DOCK3: variants seen among roughly 807,000 people sequenced by gnomAD.
DOCK3 encodes the protein dedicator of cytokinesis protein 3.
A neutral mutation model predicts 265.6 loss-of-function variants in DOCK3; 60 were observed. That is an observed-to-expected ratio of 0.23 (90% CI 0.18 to 0.28). The LOEUF is 0.28. Ranked by LOEUF, DOCK3 falls within the 10% of genes least tolerant of loss-of-function variation. DOCK3 has a pLI of 1.00. For missense variants in DOCK3, 1,981 were observed against 2,594.3 expected (o/e 0.76, Z 5.14); for synonymous variants, 881 against 938.0 (o/e 0.94, Z 1.11).
At chr3:51,154,913 G>T (rs1043103438) in intron 10 of DOCK3, among the ~76,000 whole-genome samples, 42 of 152,278 alleles carry the variant, frequency 2.8e-4, no homozygotes, top group African/African-American at 1.0e-3. Context: ...AAGGCACAGG[G>T]TGCTAAATAT....
rs764880054 is a variant in DOCK3, at chr3:51,358,036, C to T, written c.4843C>T (p.Leu1615=). The stretch of plus-strand genomic sequence containing the variant: ...AGAAATGCGGCCTCTGCATAAGAAG[C>T]TAATTGATCAGTTCCAGATGATGCG... ...HPEMRPLHKK[L]IDQFQMMRAS... Residue 1615 remains leucine, a synonymous_variant, in exon 46 of 53, where the codon CTA becomes TTA. Transcript: ENST00000266037. 4.3e-6 allele frequency: 7 copies of T among 1,614,004 alleles called. No homozygotes were observed. The highest frequency in any genetic ancestry group is 5.9e-6 in the Non-Finnish European group (7 of 1,179,886).
At chr3:51,290,062 T>G (rs1038725783) in intron 27 of DOCK3, among the ~76,000 whole-genome samples, 16 of 152,170 alleles carry the variant, frequency 1.1e-4, no homozygotes, top group Middle Eastern at 3.4e-3. Flanking sequence ...TGTGGAGAAA[T>G]AGGAACACTT....
At chr3:51,200,882 C>T (rs779136799) in intron 12 of DOCK3, among the ~76,000 whole-genome samples, 41 of 151,730 alleles carry the variant, frequency 2.7e-4, no homozygotes, top group East Asian at 1.7e-3. Context: ...ACATTCTTAC[C>T]GAAAAGAATT....
intron 2 of DOCK3, among the ~76,000 whole-genome samples, chr3:50,807,593 C>G (rs1415402140): frequency 6.6e-6 from 1 of 152,006 alleles, no homozygotes. Flanking sequence ...TAAGTACTAG[C>G]TAGTATATAC....
chr3:51,368,042 C>G (rs1195373342), intron 49 of DOCK3, among the ~76,000 whole-genome samples: 1 of 152,118 alleles, frequency 6.6e-6, no homozygotes, highest in Non-Finnish European at 1.5e-5. Flanking sequence ...TGGCCTGCCT[C>G]GGTAGGTTGG....
At chr3:50,806,909 A>C (rs1258920139) in intron 2 of DOCK3, among the ~76,000 whole-genome samples, 1 of 151,968 alleles carries the variant, frequency 6.6e-6, no homozygotes, top group Non-Finnish European at 1.5e-5. Context: ...GGCTTTCCAA[A>C]CTGGACTCAG....
intron 5 of DOCK3, among the ~76,000 whole-genome samples, chr3:51,020,410 T>C (rs1575793164): frequency 6.6e-6 from 1 of 151,960 alleles, no homozygotes; most frequent in East Asian, 1.9e-4. Flanking sequence ...TTTCTCCCAT[T>C]CTGTAGGTTG....
chr3:50,930,002 T>G (rs2050969702), intron 4 of DOCK3, among the ~76,000 whole-genome samples: 1 of 152,216 alleles, frequency 6.6e-6, no homozygotes, highest in Admixed American at 6.5e-5. Flanking sequence ...TCCACTTACT[T>G]CCAATGAGGA....
intron 5 of DOCK3, among the ~76,000 whole-genome samples, chr3:50,949,539 G>A (rs1156820109): frequency 6.6e-6 from 1 of 152,056 alleles, no homozygotes; most frequent in Non-Finnish European, 1.5e-5. Flanking sequence ...GTCTGCTTTT[G>A]TAATCAGTTT....
chr3:51,250,440 G>A (rs1175100203), intron 22 of DOCK3, among the ~76,000 whole-genome samples: 1 of 152,138 alleles, frequency 6.6e-6, no homozygotes, highest in African/African-American at 2.4e-5. Flanking sequence ...CCAACATGAT[G>A]AAACCCCATC....
At chr3:51,312,342 A>T (rs548921480) in intron 29 of DOCK3, 134 bp from the exon 30 acceptor site, 1 of 911,914 alleles carries the variant, frequency 1.1e-6, no homozygotes, top group South Asian at 1.7e-5. Context: ...GTTTGCAAAG[A>T]TATTTAAAAG....
intron 3 of DOCK3, among the ~76,000 whole-genome samples, chr3:50,854,076 A>G (rs945504182): frequency 6.6e-6 from 1 of 151,816 alleles, no homozygotes; most frequent in Non-Finnish European, 1.5e-5. Context: ...TACATTGAGC[A>G]TTTTTTCACG....
chr3:51,186,079 GGCT>G (rs1385350141), intron 12 of DOCK3, among the ~76,000 whole-genome samples: 1 of 152,158 alleles, frequency 6.6e-6, no homozygotes, highest in Non-Finnish European at 1.5e-5. Flanking sequence ...CAGTTTGGAG[GGCT>G]CAGAAGAAGA....
intron 4 of DOCK3, among the ~76,000 whole-genome samples, chr3:50,908,521 T>C (rs2049671746): frequency 6.6e-6 from 1 of 152,074 alleles, no homozygotes; most frequent in South Asian, 2.1e-4. Flanking sequence ...TTCCTTGTAG[T>C]TGTGAGGGTT....
At chr3:51,106,716 C>T (rs1328078946) in intron 9 of DOCK3, among the ~76,000 whole-genome samples, 1 of 152,240 alleles carries the variant, frequency 6.6e-6, no homozygotes, top group Non-Finnish European at 1.5e-5. Flanking sequence ...CTGCTCCCAC[C>T]AGTACCCTGC....
chr3:50,773,664 T>C (rs2041419369), intron 1 of DOCK3, among the ~76,000 whole-genome samples: 2 of 152,152 alleles, frequency 1.3e-5, no homozygotes, highest in Non-Finnish European at 2.9e-5. Context: ...ATTGTAGTTT[T>C]ATTTATGAGC....
At chr3:50,768,866 C>A (rs548997970) in intron 1 of DOCK3, among the ~76,000 whole-genome samples, 1 of 152,148 alleles carries the variant, frequency 6.6e-6, no homozygotes. Context: ...ATTTACGTTT[C>A]CACCAGCAGT....
chr3:51,349,024 G>T (rs2085787720), intron 39 of DOCK3, 86 bp downstream of exon 39: 1 of 1,298,792 alleles, frequency 7.7e-7, no homozygotes, highest in African/African-American at 1.5e-5. Context: ...CCTTAGTTTA[G>T]TGCTGTGGAC....
intron 17 of DOCK3, 103 bp from the exon 18 acceptor site, chr3:51,228,558 C>T: frequency 7.5e-7 from 1 of 1,326,980 alleles, no homozygotes; most frequent in South Asian, 1.5e-5. Context: ...CAACGTTCAG[C>T]CTTAGGAAGA....
Sources: allele counts gnomAD v4.1 joint callset (sites outside exome capture counted in the v4.1 genomes callset), GRCh38; gene constraint gnomAD v4.1.1; transcripts MANE v1.5; gene names NCBI Gene and HGNC (gene_info 2026-07-23, HGNC 2026-07-21).